Variants in FAIM observed in about 807,000 individuals in gnomAD.
The protein encoded by FAIM is Fas apoptotic inhibitory molecule, also known as fas apoptotic inhibitory molecule 1.
FAIM carries 14 observed loss-of-function variants against 21.2 expected under a neutral mutation model. The ratio of observed to expected loss-of-function variants is 0.66; its 90% CI spans 0.44 to 1.03. The LOEUF (loss-of-function observed/expected upper bound fraction) is 1.03. Ranked by LOEUF, FAIM falls within the 50% of genes least tolerant of loss-of-function variation. FAIM has a pLI of 0.00. For synonymous variants in FAIM, 86 were observed against 80.4 expected, an observed-to-expected ratio of 1.07 and a Z score of -0.37; for missense variants, 222 against 247.1, an observed-to-expected ratio of 0.90 and a Z score of 0.68.
intron 1 of FAIM, among the ~76,000 whole-genome samples, chr3:138,609,533 A>ACACT (rs1285258999): frequency 1.5e-3 from 5 of 3,368 alleles, no homozygotes; most frequent in Non-Finnish European, 2.5e-3. Context: ...AAGTGCTGAA[A>ACACT]CTCTCTCTCT....
Position 138,633,147 on chromosome 3 carries a change from A to C in FAIM, c.*68A>C, listed in dbSNP as rs2043025069. ...ACTGTGGTAATTAAATGTGTTCAGT[A>C]TGTACTTATCAGTACATTTAGTCTG... On this transcript the variant is annotated 3_prime_UTR_variant, in exon 6 of 6. Transcript: ENST00000360570. 7.0e-7 allele frequency: 1 copy of C among 1,423,480 alleles called. No individual in the cohort carries two copies. Among genetic ancestry groups the C allele is most frequent in the African/African-American group, 1.4e-5 (1 of 70,708 alleles). 88.2% of individuals were successfully genotyped at this position (1,423,480 alleles called of 1,614,324 possible). A position where few individuals can be genotyped will look rare whatever the true frequency, so the allele number is the denominator to read the frequency against.
chr3:138,624,355 A>T (rs1231008082), intron 4 of FAIM, among the ~76,000 whole-genome samples: 1 of 152,226 alleles, frequency 6.6e-6, no homozygotes, highest in African/African-American at 2.4e-5. Flanking sequence ...TATGCCTAGC[A>T]TACAGTTAGT....
intron 1 of FAIM, among the ~76,000 whole-genome samples, chr3:138,611,276 T>G (rs895697870): frequency 6.6e-6 from 1 of 151,906 alleles, no homozygotes; most frequent in Non-Finnish European, 1.5e-5. Flanking sequence ...TTTTTTCTTT[T>G]TTTGTTTTTT....
chr3:138,610,882 C>G, intron 1 of FAIM: 2 of 1,321,274 alleles, frequency 1.5e-6, no homozygotes, highest in Non-Finnish European at 2.2e-6. Flanking sequence ...TCGCGCCTGG[C>G]CACTTTCTCC....
intron 1 of FAIM, among the ~76,000 whole-genome samples, chr3:138,611,636 T>G (rs909348223): frequency 1.3e-5 from 2 of 151,904 alleles, no homozygotes; most frequent in African/African-American, 4.8e-5. Flanking sequence ...TAATGGGAGG[T>G]GTTTGGGTCA....
At chr3:138,612,228 G>A (rs1468347953) in intron 1 of FAIM, among the ~76,000 whole-genome samples, 4 of 151,594 alleles carry the variant, frequency 2.6e-5, no homozygotes, top group African/African-American at 9.7e-5. Flanking sequence ...GGCCTCTTGA[G>A]TAGCTGGGAC....
rs762453549 is a variant in FAIM at position 138,633,111 on chromosome 3, A to T, written c.*32A>T. 1.9e-6 allele frequency: 3 copies of T among 1,597,452 alleles called. No individual in the cohort carries two copies. The highest frequency in any genetic ancestry group is 2.6e-6 in the Non-Finnish European group (3 of 1,168,000). On this transcript the variant is annotated 3_prime_UTR_variant, in exon 6 of 6. Transcript: ENST00000360570. ...TTCATCTTAAGAAGTAAAGATCAGG[A>T]CTTTTTAATTACTGTGGTAATTAAA...
chr3:138,621,197 G>A lies in FAIM; in HGVS notation c.45-210G>A. On this transcript the variant is annotated intron_variant, in intron 2 of 5. Transcript: ENST00000360570. ...TTTTTTTTAGAAGTAATCGGACTAT[G>A]TACCCATATATAGTAGTTGTATCTT... The A allele has an allele frequency of 1.1e-5, 6 of 542,418 alleles. No homozygotes were observed. In the South Asian group the frequency reaches 1.1e-4, roughly 10 times the overall value. The allele number at this position is 542,418 out of a possible 1,614,324, so 33.6% of individuals were successfully genotyped here. A position where few individuals can be genotyped will look rare whatever the true frequency, so the allele number is the denominator to read the frequency against.
chr3:138,619,880 G>T, intron 2 of FAIM, 110 bp downstream of exon 2: 2 of 1,078,448 alleles, frequency 1.9e-6, no homozygotes, highest in East Asian at 5.1e-5. Flanking sequence ...TTGTAAAATT[G>T]CAGAATACAT....
chr3:138,621,470 CG>C lies in FAIM; in HGVS notation c.110del (p.Gly37GlufsTer17), dbSNP rs769222953. The C allele has an allele frequency of 1.9e-6, 3 of 1,613,672 alleles. No homozygotes were observed. The Admixed American group carries it at 5.0e-5, about 27-fold the overall frequency. ...VAVWDVALSD[G>X]VHKIEFEHGT... ...CTGTTTGGGATGTTGCTTTAAGTGA[CG>C]GAGTCCACAAGATCGAATTTGAACA... On this transcript the variant is annotated frameshift_variant, in exon 3 of 6. Coordinates refer to ENST00000360570, the MANE Select transcript of FAIM (RefSeq NM_001033031.2). LOFTEE classifies it high-confidence loss of function.
At chr3:138,619,852 C>G (rs921414653) in intron 2 of FAIM, 82 bp downstream of exon 2, 2 of 1,318,346 alleles carry the variant, frequency 1.5e-6, no homozygotes, top group Non-Finnish European at 2.1e-6. Flanking sequence ...ATCCAAGATA[C>G]TCTGTTAAGA....
At chr3:138,619,423 C>A (rs1472552114) in intron 1 of FAIM, among the ~76,000 whole-genome samples, 1 of 152,130 alleles carries the variant, frequency 6.6e-6, no homozygotes, top group African/African-American at 2.4e-5. Flanking sequence ...ACACTTGCAA[C>A]AAAGGAGAGT....
At chr3:138,616,625 C>T (rs189646722) in intron 1 of FAIM, among the ~76,000 whole-genome samples, 1 of 152,092 alleles carries the variant, frequency 6.6e-6, no homozygotes, top group East Asian at 1.9e-4. Context: ...TCTCAAAGTG[C>T]GGGGATTACA....
At chr3:138,621,657 CTG>C in intron 3 of FAIM, 118 bp downstream of exon 3, 1 of 849,888 alleles carries the variant, frequency 1.2e-6, no homozygotes, top group Non-Finnish European at 1.8e-6. Context: ...TGTTTTTGAT[CTG>C]TATCATTTTG....
chr3:138,615,278 G>A (rs984011651), intron 1 of FAIM, among the ~76,000 whole-genome samples: 4 of 152,164 alleles, frequency 2.6e-5, no homozygotes, highest in Admixed American at 2.0e-4. Context: ...CTTAAAGTCG[G>A]AAAATCATTA....
intron 1 of FAIM, among the ~76,000 whole-genome samples, chr3:138,614,176 A>C (rs1164863861): frequency 6.6e-6 from 1 of 152,246 alleles, no homozygotes; most frequent in Admixed American, 6.5e-5. Flanking sequence ...ATGGTGGCTT[A>C]TGCCTGTAAT....
At chr3:138,616,494 C>T (rs967952597) in intron 1 of FAIM, among the ~76,000 whole-genome samples, 6 of 152,102 alleles carry the variant, frequency 3.9e-5, no homozygotes, top group Non-Finnish European at 7.4e-5. Flanking sequence ...GATCCTCCCT[C>T]CTCCCATGTA....
At chr3:138,611,021 G>A in intron 1 of FAIM, 1 of 1,613,458 alleles carries the variant, frequency 6.2e-7, no homozygotes, top group Non-Finnish European at 8.5e-7. Flanking sequence ...GGTATCTCCG[G>A]ACTCTGCCAC....
chr3:138,619,179 G>A (rs905952560), intron 1 of FAIM, among the ~76,000 whole-genome samples: 1 of 152,230 alleles, frequency 6.6e-6, no homozygotes, highest in Non-Finnish European at 1.5e-5. Flanking sequence ...GTTCTTTGAA[G>A]TTATCTAAAC....
Sources: allele counts gnomAD v4.1 joint callset (sites outside exome capture counted in the v4.1 genomes callset), GRCh38; gene constraint gnomAD v4.1.1; transcripts MANE v1.5; gene names NCBI Gene and HGNC (gene_info 2026-07-23, HGNC 2026-07-21).